The following PCMT1 variants were observed in gnomAD, a reference collection of about 807,000 sequenced individuals.
PCMT1 encodes the protein protein-L-isoaspartate(D-aspartate) O-methyltransferase.
A neutral mutation model predicts 29.2 loss-of-function variants in PCMT1; 9 were observed. The observed-to-expected ratio is 0.31, with a 90% CI of 0.19 to 0.54. The LOEUF (loss-of-function observed/expected upper bound fraction) is 0.54. PCMT1 is among the 20% of genes least tolerant of loss of function. PCMT1 has a pLI of 0.95. For missense variants in PCMT1, 184 were observed against 282.2 expected (o/e 0.65, Z 2.49); for synonymous variants, 98 against 97.5 (o/e 1.00, Z -0.03).
Position 149,787,287 on chromosome 6 carries a change from G to GAAAGAGAGGGAGACC in PCMT1, c.193-2667_193-2666insAAAGAGAGGGAGACC, listed in dbSNP as rs1322680861. Among the ~76,000 whole-genome samples the GAAAGAGAGGGAGACC allele has an allele frequency of 1.1e-3, 161 of 144,440 alleles. 2 individuals are homozygous for GAAAGAGAGGGAGACC. Among genetic ancestry groups the GAAAGAGAGGGAGACC allele is most frequent in the African/African-American group, 4.1e-3 (154 of 37,792 alleles). 94.8% of individuals were successfully genotyped at this position (144,440 alleles called of 152,430 possible). A position where few individuals can be genotyped will look rare whatever the true frequency, so the allele number is the denominator to read the frequency against. On this transcript the variant is annotated intron_variant, in intron 3 of 7. Coordinates refer to ENST00000464889, the MANE Select transcript of PCMT1 (RefSeq NM_001360452.2). ...ACCGTGGAAAGAGAGGGAGACCGTG[G>GAAAGAGAGGGAGACC]GTAGAGGGAGACCGTGGGGAGAGGG...
At chr6:149,778,455 C>G (rs1787669614) in intron 3 of PCMT1, among the ~76,000 whole-genome samples, 1 of 152,010 alleles carries the variant, frequency 6.6e-6, no homozygotes, top group South Asian at 2.1e-4. Flanking sequence ...TCTCAAACTC[C>G]TGACCTCAAG....
intron 3 of PCMT1, among the ~76,000 whole-genome samples, chr6:149,783,103 C>T (rs1387941867): frequency 1.3e-5 from 2 of 152,068 alleles, no homozygotes; most frequent in Non-Finnish European, 2.9e-5. Context: ...AACAAAAATA[C>T]TCATGTAGTC....
intron 3 of PCMT1, among the ~76,000 whole-genome samples, chr6:149,781,064 G>A (rs1478522810): frequency 1.3e-5 from 2 of 151,902 alleles, no homozygotes; most frequent in Non-Finnish European, 1.5e-5. Context: ...ATGAAGTGGT[G>A]TCTCATTGTG....
Position 149,810,908 on chromosome 6 carries a change from A to T in PCMT1, c.*330A>T. On this transcript the variant is annotated 3_prime_UTR_variant, in exon 8 of 8. Coordinates refer to ENST00000464889, the MANE Select transcript of PCMT1 (RefSeq NM_001360452.2). ...AAGAAAGGGTTCTGTAAAATGGAAA[A>T]CTTAGTTTGTGAATTGATTTTGAGG... 1 of 324,412 alleles carries T rather than the reference A, an allele frequency of 3.1e-6. No homozygotes were observed. The highest frequency in any genetic ancestry group is 5.6e-6 in the Non-Finnish European group (1 of 179,124). The allele number at this position is 324,412 out of a possible 1,614,324, so 20.1% of individuals were successfully genotyped here.
At chr6:149,810,133 AC>A (rs1483543304) in intron 7 of PCMT1, 4 of 154,658 alleles carry the variant, frequency 2.6e-5, no homozygotes, top group African/African-American at 9.7e-5. Flanking sequence ...GGTATATTAT[AC>A]CTACAGATGA....
chr6:149,781,742 A>C (rs1787825916), intron 3 of PCMT1, among the ~76,000 whole-genome samples: 1 of 152,210 alleles, frequency 6.6e-6, no homozygotes, highest in African/African-American at 2.4e-5. Context: ...TAATTGTGTT[A>C]AAATACACAT....
chr6:149,801,674 T>C (rs887517822), intron 6 of PCMT1, among the ~76,000 whole-genome samples: 1 of 152,024 alleles, frequency 6.6e-6, no homozygotes, highest in Non-Finnish European at 1.5e-5. Flanking sequence ...TCTTGAACTC[T>C]TGACCTCAAG....
chr6:149,783,691 ACT>A (rs1479915224), intron 3 of PCMT1, among the ~76,000 whole-genome samples: 2 of 150,894 alleles, frequency 1.3e-5, no homozygotes, highest in Non-Finnish European at 3.0e-5. Context: ...ACTGGACAGG[ACT>A]CTTTTTTTTT....
intron 1 of PCMT1, among the ~76,000 whole-genome samples, chr6:149,751,222 C>A (rs933983243): frequency 2.6e-5 from 4 of 152,100 alleles, no homozygotes; most frequent in Non-Finnish European, 4.4e-5. Flanking sequence ...GAGGCTGAGG[C>A]AGGAGAATCG....
chr6:149,806,260 A>G (rs527833659), intron 7 of PCMT1, among the ~76,000 whole-genome samples: 1 of 152,338 alleles, frequency 6.6e-6, no homozygotes, highest in South Asian at 2.1e-4. Context: ...AGGCAGTTAT[A>G]GGGTAGTGTT....
chr6:149,776,839 T>C (rs1787590594), intron 3 of PCMT1, among the ~76,000 whole-genome samples: 1 of 152,206 alleles, frequency 6.6e-6, no homozygotes. Flanking sequence ...GGCAGTCACA[T>C]ACTTTTTTTG....
At chr6:149,777,876 C>CTT (rs57484963) in intron 3 of PCMT1, among the ~76,000 whole-genome samples, 3 of 111,066 alleles carry the variant, frequency 2.7e-5, no homozygotes, top group African/African-American at 3.5e-5. Flanking sequence ...TTCTTTTCTT[C>CTT]TTTTTTTTTT....
At chr6:149,758,659 A>C (rs1179965511) in intron 1 of PCMT1, among the ~76,000 whole-genome samples, 2 of 152,126 alleles carry the variant, frequency 1.3e-5, no homozygotes, top group Non-Finnish European at 2.9e-5. Context: ...TTTGTTAGAG[A>C]TGTAAAGGAA....
intron 1 of PCMT1, among the ~76,000 whole-genome samples, chr6:149,769,498 G>A (rs1399361384): frequency 6.6e-6 from 1 of 151,032 alleles, no homozygotes; most frequent in Non-Finnish European, 1.5e-5. Flanking sequence ...ATTTTTAGTA[G>A]AGATGGGGTT....
intron 3 of PCMT1, among the ~76,000 whole-genome samples, chr6:149,785,045 T>C (rs200809058): frequency 0.077 from 9,021 of 116,802 alleles, no homozygotes; most frequent in Admixed American, 0.13. Context: ...TATCTTTTAA[T>C]TTTTAAAGAA....
intron 6 of PCMT1, among the ~76,000 whole-genome samples, chr6:149,800,242 G>C (rs1775784234): frequency 6.6e-6 from 1 of 152,082 alleles, no homozygotes; most frequent in Non-Finnish European, 1.5e-5. Context: ...GAGGAGAGCG[G>C]ATCACTTGAG....
At chr6:149,802,629 T>G (rs1447750829) in intron 7 of PCMT1, 47 of 456,036 alleles carry the variant, frequency 1.0e-4, no homozygotes, top group Middle Eastern at 7.4e-4. Context: ...GTTTGTTTGT[T>G]TTTTTTTTAG....
At chr6:149,795,026 CTACTAAAAA>C (rs1451200955) in intron 5 of PCMT1, 1 of 355,182 alleles carries the variant, frequency 2.8e-6, no homozygotes, top group Non-Finnish European at 5.5e-6. Flanking sequence ...AACCCCGTCT[CTACTAAAAA>C]TACAGAAATA....
At chr6:149,786,742 A>G in intron 3 of PCMT1, among the ~76,000 whole-genome samples, 1 of 148,774 alleles carries the variant, frequency 6.7e-6, no homozygotes, top group Non-Finnish European at 1.5e-5. Context: ...GGCGCTCCCC[A>G]CATCTCAGAC....
Sources: gnomAD v4.1 joint callset for allele counts (sites outside exome capture counted in the v4.1 genomes callset) on GRCh38, gnomAD v4.1.1 for gene constraint, MANE v1.5 for transcripts, NCBI Gene and HGNC (gene_info 2026-07-23, HGNC 2026-07-21) for gene names.